The following ZNF569 variants were observed in gnomAD, a reference collection of about 807,000 sequenced individuals.
ZNF569 encodes the protein DNA-binding protein.
In ZNF569, 38 loss-of-function variants were observed where a neutral mutation model predicts 56.3. The ratio of observed to expected loss-of-function variants is 0.68; its 90% confidence interval spans 0.52 to 0.88. The LOEUF (loss-of-function observed/expected upper bound fraction) is 0.88. Among genes scored for constraint, ZNF569 ranks in the 40% least tolerant of loss-of-function variants. The pLI is 0.00. For synonymous variants in ZNF569, 241 were observed against 262.9 expected (o/e 0.92, Z 0.81); for missense variants, 666 against 809.2 (o/e 0.82, Z 2.15).
At chr19:37,452,710 T>C (rs988970838) in intron 2 of ZNF569, among the ~76,000 whole-genome samples, 5 of 152,212 alleles carry the variant, frequency 3.3e-5, no homozygotes. Flanking sequence ...TTCCCTTGTA[T>C]GTGACAAGTT....
intron 5 of ZNF569, among the ~76,000 whole-genome samples, chr19:37,418,892 A>G (rs1303875486): frequency 6.6e-6 from 1 of 152,210 alleles, no homozygotes; most frequent in African/African-American, 2.4e-5. Context: ...AATAAGGCTG[A>G]GATGTTCAGT....
intron 3 of ZNF569, among the ~76,000 whole-genome samples, chr19:37,437,180 C>A (rs976997480): frequency 1.3e-5 from 2 of 151,994 alleles, no homozygotes; most frequent in South Asian, 2.1e-4. Flanking sequence ...GTTAAACATG[C>A]GCAAATGAAT....
intron 5 of ZNF569, among the ~76,000 whole-genome samples, chr19:37,423,133 T>C (rs1003774411): frequency 2.6e-5 from 4 of 152,178 alleles, no homozygotes; most frequent in African/African-American, 7.2e-5. Context: ...CTCTGAAAAT[T>C]TGAAGACTAG....
At chr19:37,448,480 T>C (rs984334558) in intron 2 of ZNF569, among the ~76,000 whole-genome samples, 3 of 151,992 alleles carry the variant, frequency 2.0e-5, no homozygotes, top group African/African-American at 7.2e-5. Context: ...ATTGATCTTT[T>C]CAAAGAACAA....
intron 5 of ZNF569, among the ~76,000 whole-genome samples, chr19:37,422,400 A>G (rs866543753): frequency 1.1e-4 from 17 of 152,194 alleles, no homozygotes; most frequent in African/African-American, 3.9e-4. Context: ...AGTTTGTGGC[A>G]CCCCAAAACA....
rs869051048 is a variant in ZNF569 at position 37,432,904 on chromosome 19, CTT to C, written c.16-6528_16-6527del. Among the ~76,000 whole-genome samples, 39 of 122,490 alleles carry C rather than the reference CTT, an allele frequency of 3.2e-4. No homozygotes were observed. In the South Asian group the frequency reaches 7.8e-3, roughly 24 times the overall value. The allele number at this position is 122,490 out of a possible 152,430, so 80.4% of individuals were successfully genotyped here. Reference sequence around the variant, plus strand: ...CGGACAAACTAAAGAATGCATCAGTCTTTTTTTTTTTTTTTTTTTTTGAGACA... The same window carrying C: ...CGGACAAACTAAAGAATGCATCAGTCTTTTTTTTTTTTTTTTTTTGAGACA... On this transcript the variant is annotated intron_variant, in intron 3 of 5. Coordinates refer to ENST00000316950, the MANE Select transcript of ZNF569 (RefSeq NM_152484.3).
Position 37,414,037 on chromosome 19 carries a change from A to G in ZNF569, c.621T>C (p.Ile207=). The change falls in exon 6 of 6, where the codon ATT becomes ATC. Residue 207 remains isoleucine (I), a synonymous_variant. Coordinates refer to ENST00000316950, the MANE Select transcript of ZNF569 (RefSeq NM_152484.3). ...QTLDLIRHLR[I]HTGEKPYECS... ...ATTCATAGGGCTTCTCTCCAGTATG[A>G]ATTCTCAGATGTCTGATGAGGTCCA... is the stretch of plus-strand genomic sequence containing the variant. 1 of 1,613,526 alleles carries G rather than the reference A, an allele frequency of 6.2e-7. No homozygotes were observed. Among genetic ancestry groups the G allele is most frequent in the Non-Finnish European group, 8.5e-7 (1 of 1,179,850 alleles).
chr19:37,419,658 G>A (rs935103871), intron 5 of ZNF569, among the ~76,000 whole-genome samples: 1 of 152,072 alleles, frequency 6.6e-6, no homozygotes, highest in Non-Finnish European at 1.5e-5. Context: ...GGGAGGTGGA[G>A]GTTGCAGTGA....
At chr19:37,432,817 T>G (rs1311178548) in intron 3 of ZNF569, among the ~76,000 whole-genome samples, 1 of 151,074 alleles carries the variant, frequency 6.6e-6, no homozygotes, top group Non-Finnish European at 1.5e-5. Flanking sequence ...CAGATAAATT[T>G]AACAAAGAGA....
intron 2 of ZNF569, among the ~76,000 whole-genome samples, chr19:37,448,633 A>C (rs2041539993): frequency 7.6e-6 from 1 of 131,038 alleles, no homozygotes; most frequent in Non-Finnish European, 1.5e-5. Flanking sequence ...TTGTGGTCTC[A>C]GCTCACCGCA....
At chr19:37,424,105 T>TA (rs1304698899) in intron 5 of ZNF569, among the ~76,000 whole-genome samples, 1 of 152,106 alleles carries the variant, frequency 6.6e-6, no homozygotes, top group Non-Finnish European at 1.5e-5. Flanking sequence ...AGCACTGACT[T>TA]AAAACTTTTA....
chr19:37,452,193 T>C (rs1206097051), intron 2 of ZNF569, among the ~76,000 whole-genome samples: 2 of 151,934 alleles, frequency 1.3e-5, no homozygotes, highest in African/African-American at 4.9e-5. Flanking sequence ...ACAAAAACTC[T>C]TCATTTTAAA....
intron 2 of ZNF569, among the ~76,000 whole-genome samples, chr19:37,453,515 A>G (rs2041626916): frequency 6.6e-6 from 1 of 152,138 alleles, no homozygotes; most frequent in Non-Finnish European, 1.5e-5. Flanking sequence ...GCACTTTAAA[A>G]ATGATTCTCC....
At chr19:37,433,997 C>G (rs1221310654) in intron 3 of ZNF569, among the ~76,000 whole-genome samples, 2 of 152,120 alleles carry the variant, frequency 1.3e-5, no homozygotes, top group East Asian at 3.8e-4. Context: ...CTACTCATAT[C>G]TTGAATAGAA....
chr19:37,447,486 G>A (rs1375011421), intron 2 of ZNF569, among the ~76,000 whole-genome samples: 1 of 152,202 alleles, frequency 6.6e-6, no homozygotes, highest in African/African-American at 2.4e-5. Context: ...CTGTACTACA[G>A]AAGAGGTTTA....
At chr19:37,467,908 C>G (rs1471503398), upstream of ZNF569, 1 of 1,535,952 alleles carries the variant, frequency 6.5e-7, no homozygotes, top group African/African-American at 1.4e-5. Context: ...TGTATTTGTT[C>G]TTTCTGGACT....
intron 2 of ZNF569, 82 bp from the exon 3 acceptor site, chr19:37,445,046 C>CACACACTACAGGATT: frequency 9.7e-7 from 1 of 1,027,892 alleles, no homozygotes; most frequent in East Asian, 2.6e-5. Context: ...TTAAAGGTCA[C>CACACACTACAGGATT]CCTGTAGTGG....
At chr19:37,468,000 C>T (rs2146993397), upstream of ZNF569, 2 of 1,454,514 alleles carry the variant, frequency 1.4e-6, no homozygotes, top group Non-Finnish European at 1.9e-6. Context: ...GACCGCCTGA[C>T]TTCTAAACAG....
chr19:37,435,543 T>C (rs1208488556), intron 3 of ZNF569, among the ~76,000 whole-genome samples: 2 of 152,138 alleles, frequency 1.3e-5, no homozygotes, highest in Non-Finnish European at 2.9e-5. Context: ...ACAGAGTGGC[T>C]GAATATATTA....
Sources: gnomAD v4.1 joint callset for allele counts (sites outside exome capture counted in the v4.1 genomes callset) on GRCh38, gnomAD v4.1.1 for gene constraint, MANE v1.5 for transcripts, NCBI Gene and HGNC (gene_info 2026-07-23, HGNC 2026-07-21) for gene names.